RUVBL2: variants seen among roughly 807,000 people sequenced by gnomAD.
RUVBL2 encodes the protein RuvB like AAA ATPase 2.
A neutral mutation model predicts 57.9 loss-of-function variants in RUVBL2; 9 were observed. The observed-to-expected ratio is 0.16, with a 90% confidence interval of 0.09 to 0.27. RUVBL2 has a LOEUF of 0.27. RUVBL2 is among the 10% of genes least tolerant of loss of function. RUVBL2 has a pLI of 1.00. For synonymous variants in RUVBL2, 278 were observed against 264.6 expected (o/e 1.05, Z -0.49); for missense variants, 456 against 669.6 (o/e 0.68, Z 3.52).
chr19:49,015,003 G>C lies in RUVBL2; in HGVS notation c.1122-18G>C. ...GCTGGGCCCCGGCTGAGCCACCCCTGTCCCCCACTGCTTGCAGGTGCGAGG... is the reference window on the plus strand; with the variant it reads ...GCTGGGCCCCGGCTGAGCCACCCCTCTCCCCCACTGCTTGCAGGTGCGAGG... On this transcript the variant is annotated intron_variant, in intron 12 of 14. Transcript: ENST00000595090. The C allele has an allele frequency of 6.3e-7, 1 of 1,585,290 alleles. No individual in the cohort carries two copies. The highest frequency in any genetic ancestry group is 1.8e-5 in the Admixed American group (1 of 56,152).
rs1330597856 is a variant in RUVBL2 at position 49,004,416 on chromosome 19, T to C, written c.263T>C (p.Met88Thr). ...QPGTGKTAIA[M>T]GMAQALGPDT... ...GGCACGGGGAAGACGGCCATCGCCATGGGTAAGAAACCTCCCAGGGCAGGA... is the reference window on the plus strand; with the variant it reads ...GGCACGGGGAAGACGGCCATCGCCACGGGTAAGAAACCTCCCAGGGCAGGA... Residue 88 changes from methionine (M) to threonine (T), a missense_variant and splice_region_variant, in exon 4 of 15, where the codon ATG (methionine) becomes ACG (threonine). Met to Thr is a moderately conservative substitution (Grantham distance 81, BLOSUM62 -1). Coordinates refer to ENST00000595090, the MANE Select transcript of RUVBL2 (RefSeq NM_006666.3). 1.2e-6 allele frequency: 2 copies of C among 1,611,930 alleles called. No individual in the cohort carries two copies. The highest frequency in any genetic ancestry group is 2.2e-5 in the South Asian group (2 of 90,996).
intron 4 of RUVBL2, among the ~76,000 whole-genome samples, chr19:49,006,101 CT>C (rs1311015988): frequency 6.6e-6 from 1 of 152,254 alleles, no homozygotes; most frequent in Admixed American, 6.5e-5. Context: ...GAGAGGACCC[CT>C]GGTGTCCCCA....
intron 1 of RUVBL2, among the ~76,000 whole-genome samples, chr19:48,997,784 C>T (rs1044294825): frequency 1.1e-4 from 16 of 152,068 alleles, no homozygotes; most frequent in South Asian, 4.2e-4. Context: ...ATAGTGCTGC[C>T]GTGAACACTC....
chr19:48,993,674 G>A, upstream of RUVBL2: 1 of 605,604 alleles, frequency 1.7e-6, no homozygotes, highest in Non-Finnish European at 2.9e-6. Context: ...GTGGGGCTGA[G>A]CAAAAGGAGG....
chr19:49,007,804 A>G (rs2039311636), intron 6 of RUVBL2, among the ~76,000 whole-genome samples: 1 of 151,978 alleles, frequency 6.6e-6, no homozygotes, highest in South Asian at 2.1e-4. Context: ...TCCCAGGTTC[A>G]AGTGATTCTT....
chr19:49,015,226 C>G (rs796309007), intron 13 of RUVBL2, 76 bp downstream of exon 13: 1 of 1,550,594 alleles, frequency 6.4e-7, no homozygotes, highest in Admixed American at 1.7e-5. Flanking sequence ...TTCCAGGGTT[C>G]CGATTTCATC....
rs528815731 is a variant in RUVBL2, at chr19:49,011,416, C to T, written c.1001+106C>T. The stretch of plus-strand genomic sequence containing the variant: ...GTTGACACCGGGTCAGGGAGGGACG[C>T]GTGACTGCAGTGTGCGCTCTTTGCT... On this transcript the variant is annotated intron_variant, in intron 11 of 14. Coordinates refer to ENST00000595090, the MANE Select transcript of RUVBL2 (RefSeq NM_006666.3). This position sits in a 1 kb window ranked among gnomAD's most constrained non-coding sequence, Gnocchi z 4.4. 3 of 876,612 alleles carry T rather than the reference C, an allele frequency of 3.4e-6. No individual in the cohort carries two copies. Among genetic ancestry groups the T allele is most frequent in the Admixed American group, 1.9e-5 (1 of 52,458 alleles). The allele number at this position is 876,612 out of a possible 1,614,324, so 54.3% of individuals were successfully genotyped here. A position where few individuals can be genotyped will look rare whatever the true frequency, so the allele number is the denominator to read the frequency against.
In RUVBL2 at chr19:49,009,899, C is replaced by T. The variant is rs2039372604; in HGVS notation, c.569+17C>T. 6.2e-7 allele frequency: 1 copy of T among 1,613,382 alleles called. No homozygotes were observed. Among genetic ancestry groups the T allele is most frequent in the Non-Finnish European group, 8.5e-7 (1 of 1,179,486 alleles). On this transcript the variant is annotated intron_variant, in intron 7 of 14. Transcript: ENST00000595090. Reference sequence around the variant, plus strand: ...CCAGGCCGGGTGAGCAGTCAGGGGCCATGCCAGGCAGCCAGGGGGATGGGC... The same window carrying T: ...CCAGGCCGGGTGAGCAGTCAGGGGCTATGCCAGGCAGCCAGGGGGATGGGC...
chr19:49,009,597 C>T (rs1252169792), intron 6 of RUVBL2, among the ~76,000 whole-genome samples, 179 bp from the exon 7 acceptor site: 1 of 152,250 alleles, frequency 6.6e-6, no homozygotes, highest in Non-Finnish European at 1.5e-5. Context: ...GGAGCCATCA[C>T]CGCGTCAGGC....
Position 49,009,765 on chromosome 19 carries a change from C to A in RUVBL2, c.463-11C>A. On this transcript the variant is annotated splice_polypyrimidine_tract_variant and intron_variant, in intron 6 of 14. Coordinates refer to ENST00000595090, the MANE Select transcript of RUVBL2 (RefSeq NM_006666.3). Reference sequence around the variant, plus strand: ...CTCTGAGCCCCATCCCTGGCTTGTCCCCACTCTCAGGGCTCCAAGGTGGGC... The same window carrying A: ...CTCTGAGCCCCATCCCTGGCTTGTCACCACTCTCAGGGCTCCAAGGTGGGC... 1 of 1,612,584 alleles carries A rather than the reference C, an allele frequency of 6.2e-7. No individual in the cohort carries two copies. Among genetic ancestry groups the A allele is most frequent in the South Asian group, 1.1e-5 (1 of 91,034 alleles).
In RUVBL2 at chr19:49,015,879, C is replaced by T; in HGVS notation, c.*37C>T. 1 of 1,614,094 alleles carries T rather than the reference C, an allele frequency of 6.2e-7. No homozygotes were observed. Among genetic ancestry groups the T allele is most frequent in the Non-Finnish European group, 8.5e-7 (1 of 1,179,934 alleles). ...TCCCCCGACCCCACCCTGTTTTCCA[C>T]CAGAGTTCTGACACTGTGACTCTGT... On this transcript the variant is annotated 3_prime_UTR_variant, in exon 15 of 15. Transcript: ENST00000595090.
At chr19:49,009,679 A>G in intron 6 of RUVBL2, 97 bp from the exon 7 acceptor site, 1 of 1,017,542 alleles carries the variant, frequency 9.8e-7, no homozygotes. Flanking sequence ...GTGGAAGCAG[A>G]GGCCAGAGCA....
intron 8 of RUVBL2, 23 bp from the exon 9 acceptor site, chr19:49,010,465 C>T (rs749807697): frequency 9.4e-6 from 13 of 1,388,420 alleles, no homozygotes; most frequent in South Asian, 1.2e-5. Flanking sequence ...CTCCGCCGTT[C>T]TTCCCCCACC....
chr19:48,999,026 CAAA>C (rs369612985), intron 1 of RUVBL2, among the ~76,000 whole-genome samples: 1 of 128,492 alleles, frequency 7.8e-6, no homozygotes, highest in Admixed American at 7.9e-5. Context: ...GACTTCATCT[CAAA>C]AAAAAAAAAA....
At chr19:49,010,289 A>AG (rs2039387346) in intron 8 of RUVBL2, 199 bp from the exon 9 acceptor site, 1 of 680,102 alleles carries the variant, frequency 1.5e-6, no homozygotes. Flanking sequence ...GTCCTCCGGG[A>AG]GCCCCCGTGA....
At chr19:49,015,279 G>T in intron 13 of RUVBL2, 129 bp downstream of exon 13, 1 of 1,343,482 alleles carries the variant, frequency 7.4e-7, no homozygotes, top group Non-Finnish European at 1.0e-6. Context: ...TCATCCCTCA[G>T]GTTGGCTTCT....
chr19:49,012,127 T>C (rs534521484), intron 11 of RUVBL2, among the ~76,000 whole-genome samples: 335 of 152,270 alleles, frequency 2.2e-3, no homozygotes, highest in African/African-American at 7.7e-3. Context: ...GGCTCAGTGC[T>C]GTACCTGGTG....
Position 49,007,092 on chromosome 19 carries a change from A to G in RUVBL2, c.340A>G (p.Ser114Gly). Residue 114 changes from serine (S) to glycine (G), a missense_variant, in exon 5 of 15, where the codon AGC becomes GGC. Ser to Gly is a moderately conservative substitution (Grantham distance 56, BLOSUM62 0). Coordinates refer to ENST00000595090, the MANE Select transcript of RUVBL2 (RefSeq NM_006666.3). ...CAGTGAAATCTTCTCCCTGGAGATG[A>G]GCAAGACCGAGGCGCTGACGCAGGC... Reference protein sequence around the residue: ...AGSEIFSLEMSKTEALTQAFR... With the variant: ...AGSEIFSLEMGKTEALTQAFR... The G allele has an allele frequency of 6.2e-7, 1 of 1,613,260 alleles. No homozygotes were observed. Among genetic ancestry groups the G allele is most frequent in the Non-Finnish European group, 8.5e-7 (1 of 1,180,036 alleles).
chr19:49,010,954 C>G, intron 9 of RUVBL2, 45 bp from the exon 10 acceptor site: 5 of 1,545,748 alleles, frequency 3.2e-6, no homozygotes, highest in East Asian at 4.6e-5. Flanking sequence ...GCCCTGGAAC[C>G]CGCCTCCTCT....
Sources: allele counts gnomAD v4.1 joint callset (sites outside exome capture counted in the v4.1 genomes callset), GRCh38; gene constraint gnomAD v4.1.1; non-coding constraint Gnocchi (gnomAD v3.1); transcripts MANE v1.5; gene names NCBI Gene and HGNC (gene_info 2026-07-23, HGNC 2026-07-21).